COMMD10: variants seen among roughly 807,000 people sequenced by gnomAD.
COMMD10 encodes the protein COMM domain containing 10.
A neutral mutation model predicts 28.9 loss-of-function variants in COMMD10; 33 were observed. The observed-to-expected ratio is 1.14, with a 90% CI of 0.87 to 1.53. The LOEUF (loss-of-function observed/expected upper bound fraction) is 1.53, where lower values mean the gene tolerates loss of function less well. Ranked by LOEUF, COMMD10 falls within the 40% of genes most tolerant of loss-of-function variation. The pLI, the probability that COMMD10 is intolerant of heterozygous loss-of-function variation, is 0.00. For synonymous variants in COMMD10, 110 were observed against 81.7 expected, an observed-to-expected ratio of 1.35 and a Z score of -1.87; for missense variants, 310 against 233.4, an observed-to-expected ratio of 1.33 and a Z score of -2.14.
At chr5:116,282,146 A>G (rs1751086551) in intron 5 of COMMD10, among the ~76,000 whole-genome samples, 1 of 151,820 alleles carries the variant, frequency 6.6e-6, no homozygotes, top group South Asian at 2.1e-4. Context: ...AATCTCACTC[A>G]GTTCCATCCC....
intron 4 of COMMD10, among the ~76,000 whole-genome samples, chr5:116,111,879 C>A (rs929196224): frequency 6.6e-6 from 1 of 152,064 alleles, no homozygotes; most frequent in Non-Finnish European, 1.5e-5. Flanking sequence ...GTGACGTCCC[C>A]TATTATTGTT....
chr5:116,184,861 A>G (rs1025919716), intron 5 of COMMD10, among the ~76,000 whole-genome samples: 2 of 152,048 alleles, frequency 1.3e-5, no homozygotes, highest in African/African-American at 4.8e-5. Context: ...AATATAATCG[A>G]TTTTGGGGCT....
At chr5:116,197,910 A>G (rs1381146223) in intron 5 of COMMD10, among the ~76,000 whole-genome samples, 1 of 152,280 alleles carries the variant, frequency 6.6e-6, no homozygotes, top group East Asian at 1.9e-4. Flanking sequence ...GTGCAGATTC[A>G]CAGTTCAGTT....
chr5:116,237,733 A>G (rs1350056033), intron 5 of COMMD10, among the ~76,000 whole-genome samples: 1 of 152,184 alleles, frequency 6.6e-6, no homozygotes, highest in Non-Finnish European at 1.5e-5. Context: ...GCTTTTTATT[A>G]TCATGGTTAA....
At chr5:116,191,246 ATC>A (rs1748361713) in intron 5 of COMMD10, among the ~76,000 whole-genome samples, 1 of 152,220 alleles carries the variant, frequency 6.6e-6, no homozygotes, top group South Asian at 2.1e-4. Context: ...AGAGAAGTAA[ATC>A]TCTAGCTGAA....
chr5:116,139,100 A>C (rs1037958960), intron 5 of COMMD10, among the ~76,000 whole-genome samples: 8 of 151,862 alleles, frequency 5.3e-5, no homozygotes, highest in African/African-American at 1.9e-4. Flanking sequence ...TTGTTAATTT[A>C]ATAACTTAGC....
intron 4 of COMMD10, among the ~76,000 whole-genome samples, chr5:116,107,707 C>T (rs1003122972): frequency 1.3e-5 from 2 of 152,074 alleles, no homozygotes; most frequent in Admixed American, 6.6e-5. Flanking sequence ...GTTCTCCGTC[C>T]AGTTTTGTTC....
intron 5 of COMMD10, among the ~76,000 whole-genome samples, chr5:116,154,128 C>T (rs956198418): frequency 6.6e-6 from 1 of 151,948 alleles, no homozygotes; most frequent in South Asian, 2.1e-4. Context: ...CCTCAAGCTG[C>T]GTTATTACTT....
At chr5:116,267,145 G>A (rs1487330510) in intron 5 of COMMD10, among the ~76,000 whole-genome samples, 1 of 151,854 alleles carries the variant, frequency 6.6e-6, no homozygotes. Flanking sequence ...TAGGAAAAGA[G>A]GAAGTCAAAT....
At chr5:116,286,207 C>T (rs951702964) in intron 5 of COMMD10, among the ~76,000 whole-genome samples, 2 of 151,368 alleles carry the variant, frequency 1.3e-5, no homozygotes, top group East Asian at 3.9e-4. Flanking sequence ...GTTATAATGT[C>T]CTCTCTTTCA....
In COMMD10 at chr5:116,292,470, A is replaced by T. The variant is rs751623825; in HGVS notation, c.590A>T (p.Gln197Leu). The change falls in exon 7 of 7, where the codon CAG becomes CTG. Residue 197 changes from glutamine (Q) to leucine (L), a missense_variant. Gln to Leu is a moderately radical substitution (Grantham distance 113). Coordinates refer to ENST00000274458, the MANE Select transcript of COMMD10 (RefSeq NM_016144.4). ...FYNKLETIQA[Q>L]LDSLT ...AAATAGCTAGAGACTATACAAGCAC[A>T]GCTGGATTCCCTTACATGATGTTTT... 1 of 1,574,812 alleles carries T rather than the reference A, an allele frequency of 6.3e-7. No individual in the cohort carries two copies. The highest frequency in any genetic ancestry group is 8.6e-7 in the Non-Finnish European group (1 of 1,160,768).
At chr5:116,163,796 A>G (rs1753001916) in intron 5 of COMMD10, among the ~76,000 whole-genome samples, 2 of 152,200 alleles carry the variant, frequency 1.3e-5, no homozygotes, top group Admixed American at 6.5e-5. Context: ...GCTTTTGAGT[A>G]AAGATGAAAT....
In COMMD10 at chr5:116,243,910, C is replaced by G. The variant is rs186964808; in HGVS notation, c.511-47607C>G. ...GAGGAGCCAGAGATTAAATACTATC[C>G]CCACTCCCCATAATTAAGATGCAAT... On this transcript the variant is annotated intron_variant, in intron 5 of 6. Transcript: ENST00000274458. Among the ~76,000 whole-genome samples the G allele has an allele frequency of 2.6e-3, 391 of 152,198 alleles. 1 individual carries two copies. The highest frequency in any genetic ancestry group is 4.4e-3 in the Non-Finnish European group (301 of 67,980).
intron 5 of COMMD10, among the ~76,000 whole-genome samples, chr5:116,259,062 A>ATTT (rs36082006): frequency 1.6e-5 from 2 of 123,620 alleles, no homozygotes; most frequent in Non-Finnish European, 1.7e-5. Flanking sequence ...ACGTCCTTTA[A>ATTT]TTTTTTTTTT....
chr5:116,126,197 C>A (rs1751631199), intron 4 of COMMD10, among the ~76,000 whole-genome samples: 1 of 152,042 alleles, frequency 6.6e-6, no homozygotes, highest in South Asian at 2.1e-4. Context: ...GAATAAAATA[C>A]CTAGGAATCC....
At chr5:116,153,562 A>T (rs541969029) in intron 5 of COMMD10, among the ~76,000 whole-genome samples, 1 of 152,252 alleles carries the variant, frequency 6.6e-6, no homozygotes, top group African/African-American at 2.4e-5. Flanking sequence ...ACCAATTAAT[A>T]TGTGCCAGGT....
intron 5 of COMMD10, among the ~76,000 whole-genome samples, chr5:116,184,202 G>T (rs964670939): frequency 2.3e-5 from 3 of 130,214 alleles, no homozygotes; most frequent in Non-Finnish European, 5.5e-5. Flanking sequence ...TTTCTATGTG[G>T]TTCTTAGTTC....
intron 5 of COMMD10, among the ~76,000 whole-genome samples, chr5:116,204,945 C>G (rs1748772213): frequency 6.6e-6 from 1 of 152,072 alleles, no homozygotes; most frequent in Non-Finnish European, 1.5e-5. Flanking sequence ...TCTCTACCTC[C>G]CATGGTAAAC....
intron 5 of COMMD10, among the ~76,000 whole-genome samples, chr5:116,261,366 G>A (rs1164423852): frequency 2.0e-5 from 3 of 151,688 alleles, no homozygotes; most frequent in African/African-American, 7.3e-5. Context: ...CGTAATGACT[G>A]AGTTTTATGG....
Sources: allele counts gnomAD v4.1 joint callset (sites outside exome capture counted in the v4.1 genomes callset), GRCh38; gene constraint gnomAD v4.1.1; transcripts MANE v1.5; gene names NCBI Gene and HGNC (gene_info 2026-07-23, HGNC 2026-07-21).